The following ADCY5 variants were observed in gnomAD, a reference collection of about 807,000 sequenced individuals.
ADCY5 encodes adenylate cyclase type 5.
A neutral mutation model predicts 119.7 loss-of-function variants in ADCY5; 30 were observed. That is an observed-to-expected ratio of 0.25 (90% CI 0.19 to 0.34). ADCY5 has a LOEUF of 0.34. Among genes scored for constraint, ADCY5 ranks in the 10% least tolerant of loss-of-function variants. The pLI, the probability that ADCY5 is intolerant of heterozygous loss-of-function variation, is 1.00. For missense variants in ADCY5, 1,324 were observed against 1,775.2 expected, an observed-to-expected ratio of 0.75 and a Z score of 4.57; for synonymous variants, 753 against 762.2, an observed-to-expected ratio of 0.99 and a Z score of 0.20.
chr3:123,406,830 T>C (rs1016133488), intron 1 of ADCY5, among the ~76,000 whole-genome samples: 1 of 152,082 alleles, frequency 6.6e-6, no homozygotes, highest in East Asian at 1.9e-4. Context: ...CCCTCTCCAC[T>C]TGAGCTGGCT....
chr3:123,448,985 G>A lies in ADCY5; in HGVS notation c.-440C>T, dbSNP rs116103927. 0.019 allele frequency: 3,002 copies of A among 160,594 alleles called. 104 individuals carry two copies. The highest frequency in any genetic ancestry group is 0.066 in the African/African-American group (2,782 of 41,880). The allele number at this position is 160,594 out of a possible 1,614,324, so 9.9% of individuals were successfully genotyped here. A position where few individuals can be genotyped will look rare whatever the true frequency, so the allele number is the denominator to read the frequency against. ...GGCGCTCGCTGATTCCGCCTAAGCG[G>A]AGCCCAGCTGCTCTCGGGGCTCGGC... is the stretch of plus-strand genomic sequence containing the variant. On this transcript the variant is annotated 5_prime_UTR_variant, in exon 1 of 21. Transcript: ENST00000462833.
At chr3:123,372,423 A>G (rs1460406172) in intron 1 of ADCY5, among the ~76,000 whole-genome samples, 1 of 152,174 alleles carries the variant, frequency 6.6e-6, no homozygotes. Context: ...CCACATCCTG[A>G]GGGCACCCAG....
At chr3:123,319,632 T>TGGTTCA (rs1941107950) in intron 10 of ADCY5, 42 bp downstream of exon 10, 2 of 1,602,536 alleles carry the variant, frequency 1.2e-6, no homozygotes, top group Non-Finnish European at 1.7e-6. Context: ...CTCCTGGTCC[T>TGGTTCA]GGTTCAGCAC....
intron 2 of ADCY5, among the ~76,000 whole-genome samples, chr3:123,349,599 G>C (rs763563166): frequency 1.3e-5 from 2 of 152,146 alleles, no homozygotes; most frequent in Non-Finnish European, 2.9e-5. Context: ...GGTTCTTCCA[G>C]ACCCGCTGAA....
chr3:123,294,029 C>T (rs1043286658), intron 17 of ADCY5, among the ~76,000 whole-genome samples: 1 of 152,142 alleles, frequency 6.6e-6, no homozygotes, highest in African/African-American at 2.4e-5. Context: ...ATAACAGACG[C>T]CAACTTGAAA....
chr3:123,369,488 G>A (rs1317309887), intron 1 of ADCY5, among the ~76,000 whole-genome samples: 2 of 152,220 alleles, frequency 1.3e-5, no homozygotes, highest in South Asian at 2.1e-4. Context: ...TTCTATCAGG[G>A]AGATGAGACA....
chr3:123,406,432 G>C (rs188403297), intron 1 of ADCY5, among the ~76,000 whole-genome samples: 1 of 152,166 alleles, frequency 6.6e-6, no homozygotes. Context: ...GTTGTCTCCC[G>C]ATCTGTTGGC....
At chr3:123,314,160 G>T in intron 12 of ADCY5, 75 bp downstream of exon 12, 1 of 1,256,300 alleles carries the variant, frequency 8.0e-7, no homozygotes, top group South Asian at 1.3e-5. Context: ...CACATTTTGG[G>T]CCCCTGGGTA....
Position 123,352,386 on chromosome 3 carries a change from AG to A in ADCY5, c.1284+45del. Reference sequence around the variant, plus strand: ...CAGGCACTCAGCTGAGGTACATCTCAGGGCTCGACTCCGTCCCACTGTGCAA... The same window carrying A: ...CAGGCACTCAGCTGAGGTACATCTCAGGCTCGACTCCGTCCCACTGTGCAA... On this transcript the variant is annotated intron_variant, in intron 2 of 20. Transcript: ENST00000462833. This position sits in a 1 kb window ranked among gnomAD's most constrained non-coding sequence, Gnocchi z 4.8. The A allele has an allele frequency of 6.4e-7, 1 of 1,565,698 alleles. No individual in the cohort carries two copies. The highest frequency in any genetic ancestry group is 8.6e-7 in the Non-Finnish European group (1 of 1,156,110).
Position 123,317,595 on chromosome 3 carries a change from C to T in ADCY5, c.2354+425G>A, listed in dbSNP as rs182192906. Reference sequence around the variant, plus strand: ...ACTAAAATACAAAAAACTAGCCAGGCGTGGTGGTAGGCACCTGTATTCCCA... The same window carrying T: ...ACTAAAATACAAAAAACTAGCCAGGTGTGGTGGTAGGCACCTGTATTCCCA... On this transcript the variant is annotated intron_variant, in intron 11 of 20. Transcript: ENST00000462833. Among the ~76,000 whole-genome samples the T allele has an allele frequency of 9.2e-5, 14 of 151,970 alleles. No homozygotes were observed. In the East Asian group the frequency reaches 1.6e-3, roughly 17 times the overall value.
intron 19 of ADCY5, among the ~76,000 whole-genome samples, chr3:123,288,761 A>G (rs1454593312): frequency 6.6e-6 from 1 of 152,200 alleles, no homozygotes; most frequent in Non-Finnish European, 1.5e-5. Flanking sequence ...CAAAAAGAAA[A>G]ATACATATGT....
chr3:123,321,094 A>G (rs1047703999), intron 8 of ADCY5, among the ~76,000 whole-genome samples: 7 of 152,060 alleles, frequency 4.6e-5, no homozygotes, highest in African/African-American at 1.4e-4. Context: ...ATCCTCCTGC[A>G]CCCTGGGCTC....
chr3:123,308,509 C>G (rs1280011610), intron 12 of ADCY5, among the ~76,000 whole-genome samples: 2 of 152,216 alleles, frequency 1.3e-5, no homozygotes, highest in Admixed American at 6.5e-5. Flanking sequence ...AGCCCTAAAT[C>G]TAGATTTTAC....
chr3:123,447,939 G>C lies in ADCY5; in HGVS notation c.607C>G (p.Leu203Val). The change falls in exon 1 of 21, where the codon CTG (leucine) becomes GTG (valine). Residue 203 changes from leucine to valine, a missense_variant. This residue lies in a region of ADCY5 where 585 missense variants were observed against 569.9 expected (regional missense o/e 1.03). Coordinates refer to ENST00000462833, the MANE Select transcript of ADCY5 (RefSeq NM_183357.3). ...SGSGAGPGAV[L>V]SLGACCLALL... ...GCCAGGCAGCAGGCGCCCAGGGACA[G>C]CACCGCGCCGGGCCCCGCGCCCGAG... 6.3e-7 allele frequency: 1 copy of C among 1,574,886 alleles called. No homozygotes were observed. The highest frequency in any genetic ancestry group is 8.6e-7 in the Non-Finnish European group (1 of 1,159,262).
intron 11 of ADCY5, 48 bp from the exon 12 acceptor site, chr3:123,314,370 G>A: frequency 6.8e-7 from 1 of 1,478,458 alleles, no homozygotes. Context: ...AGGTGGCAGG[G>A]CTGCAGCTTC....
intron 1 of ADCY5, among the ~76,000 whole-genome samples, chr3:123,394,973 C>T (rs1409471236): frequency 6.6e-6 from 1 of 152,200 alleles, no homozygotes. Flanking sequence ...ACAGAATGGC[C>T]CATTCCTCAA....
At position 123,335,574 on chromosome 3, in the gene ADCY5, G is replaced by A. The variant is rs183202751; in HGVS notation, c.1407-2899C>T. 9.5e-4 allele frequency among the ~76,000 whole-genome samples: 145 copies of A among 152,270 alleles called. 1 individual carries two copies. Among genetic ancestry groups the A allele is most frequent in the African/African-American group, 3.4e-3 (141 of 41,556 alleles). ...TAGGCCCCACAGACATCTTAAATGC[G>A]TAAAGGTATGATCCAACACCCTGGC... On this transcript the variant is annotated intron_variant, in intron 3 of 20. Coordinates refer to ENST00000462833, the MANE Select transcript of ADCY5 (RefSeq NM_183357.3).
rs1371552129 is a variant in ADCY5 at position 123,328,654 on chromosome 3, C to T, written c.1795G>A (p.Gly599Ser). The stretch of plus-strand genomic sequence containing the variant: ...ACAGCTGTCACTCACCCTGCCTTGC[C>T]GCCAGCCTCCATGTGGTTGGCTAGC... ...VTLANHMEAGGKAGRIHITKA... is the reference protein window; with the variant it reads ...VTLANHMEAGSKAGRIHITKA... The change falls in exon 6 of 21, where the codon GGC (glycine) becomes AGC (serine). Residue 599 changes from glycine to serine, a missense_variant. By Grantham distance (56) the Gly-to-Ser change is moderately conservative. Coordinates refer to ENST00000462833, the MANE Select transcript of ADCY5 (RefSeq NM_183357.3). 1.2e-6 allele frequency: 2 copies of T among 1,614,074 alleles called. No individual in the cohort carries two copies. Among genetic ancestry groups the T allele is most frequent in the African/African-American group, 1.3e-5 (1 of 75,072 alleles).
At chr3:123,368,027 C>G in intron 1 of ADCY5, 1 of 1,479,356 alleles carries the variant, frequency 6.8e-7, no homozygotes, top group Non-Finnish European at 8.9e-7. Flanking sequence ...CAGCAGGGAT[C>G]CAGGGGCCCC....
Sources: gnomAD v4.1 joint callset for allele counts (sites outside exome capture counted in the v4.1 genomes callset) on GRCh38, gnomAD v4.1.1 for gene constraint, gnomAD v4.1.1 regional missense constraint, Gnocchi (gnomAD v3.1) non-coding constraint, MANE v1.5 for transcripts, NCBI Gene and HGNC (gene_info 2026-07-23, HGNC 2026-07-21) for gene names.